Variants in TRIOBP observed in about 807,000 individuals in gnomAD.
The protein encoded by TRIOBP is TRIO and F-actin binding protein.
A neutral mutation model predicts 238.8 loss-of-function variants in TRIOBP; 169 were observed. The observed-to-expected ratio is 0.71, with a 90% CI of 0.62 to 0.80. The LOEUF is 0.80. Ranked by LOEUF, TRIOBP falls within the 30% of genes least tolerant of loss-of-function variation. The pLI is 0.00. For missense variants in TRIOBP, 2,838 were observed against 3,122.6 expected (o/e 0.91, Z 2.17); for synonymous variants, 1,150 against 1,274.4 (o/e 0.90, Z 2.08).
In TRIOBP at chr22:37,725,832, A is replaced by G. The variant is rs1308704111; in HGVS notation, c.3276A>G (p.Ser1092=). ...FDPFPFLPDT[S]DAEHQCQSPQ... ...CCTTCCCCTTCCTCCCAGACACATC[A>G]GATGCCGAGCATCAGTGTCAGTCCC... Residue 1092 remains serine (S), a synonymous_variant, in exon 7 of 24, where the codon TCA becomes TCG. Coordinates refer to ENST00000644935, the MANE Select transcript of TRIOBP (RefSeq NM_001039141.3). 1 of 1,587,160 alleles carries G rather than the reference A, an allele frequency of 6.3e-7. No individual in the cohort carries two copies.
chr22:37,756,330 G>T (rs183064140), intron 15 of TRIOBP, among the ~76,000 whole-genome samples: 400 of 152,286 alleles, frequency 2.6e-3, no homozygotes, highest in African/African-American at 9.1e-3. Flanking sequence ...CCGTGGTAGG[G>T]TGCGCCTGTC....
chr22:37,731,784 T>TTCACTATGTTG (rs1398801324), intron 7 of TRIOBP, among the ~76,000 whole-genome samples: 6 of 152,050 alleles, frequency 3.9e-5, no homozygotes, highest in Non-Finnish European at 8.8e-5. Flanking sequence ...GAGACTAGGT[T>TTCACTATGTTG]TCACTATGTT....
intron 2 of TRIOBP, among the ~76,000 whole-genome samples, chr22:37,701,052 T>A (rs1601614752): frequency 6.6e-6 from 1 of 152,300 alleles, no homozygotes; most frequent in South Asian, 2.1e-4. Flanking sequence ...TGGCGTGCAC[T>A]TTCAGCAACA....
Position 37,733,424 on chromosome 22 carries a change from C to G in TRIOBP, c.4062+12C>G. The G allele has an allele frequency of 1.9e-6, 3 of 1,548,418 alleles. No homozygotes were observed. Among genetic ancestry groups the G allele is most frequent in the South Asian group, 1.2e-5 (1 of 84,022 alleles). On this transcript the variant is annotated intron_variant, in intron 8 of 23. Transcript: ENST00000644935. ...CCCCCAGCAGGCAGGTGAGCACTGC[C>G]AGCTGTCTGGGGCCCCGCACCCCAA... is the stretch of plus-strand genomic sequence containing the variant.
At chr22:37,703,695 AG>A (rs755220599) in intron 3 of TRIOBP, among the ~76,000 whole-genome samples, 1 of 151,822 alleles carries the variant, frequency 6.6e-6, no homozygotes, top group Admixed American at 6.6e-5. Flanking sequence ...TAGTAGAGAC[AG>A]GGTTTCACCA....
At chr22:37,707,445 G>C (rs560101450) in intron 3 of TRIOBP, among the ~76,000 whole-genome samples, 1 of 152,094 alleles carries the variant, frequency 6.6e-6, no homozygotes, top group Admixed American at 6.6e-5. Context: ...ACCCTCAGAT[G>C]CTGCTGCTGG....
intron 3 of TRIOBP, among the ~76,000 whole-genome samples, chr22:37,703,721 G>A (rs1277073970): frequency 6.6e-6 from 1 of 151,726 alleles, no homozygotes; most frequent in Non-Finnish European, 1.5e-5. Flanking sequence ...AGCCAGGATG[G>A]CCTCGATCTT....
chr22:37,761,926 G>A (rs2145874784), intron 17 of TRIOBP, among the ~76,000 whole-genome samples: 1 of 151,548 alleles, frequency 6.6e-6, no homozygotes, highest in East Asian at 2.0e-4. Context: ...AGGCAGGTGG[G>A]AGGGCCTCCG....
Position 37,768,860 on chromosome 22 carries a change from C to G in TRIOBP, c.6576-168C>G, listed in dbSNP as rs59689693. Among the ~76,000 whole-genome samples the G allele has an allele frequency of 0.085, 12,994 of 152,048 alleles. 1,905 individuals are homozygous for G. Among genetic ancestry groups the G allele is most frequent in the African/African-American group, 0.29 (12,132 of 41,430 alleles). ...AAGCCACCCTCACTTAGGGTAAACA[C>G]CTGTAGCCCAGAGAAGCTGTCACTG... On this transcript the variant is annotated intron_variant, in intron 19 of 23. Coordinates refer to ENST00000644935, the MANE Select transcript of TRIOBP (RefSeq NM_001039141.3).
rs1206076657 is a variant in TRIOBP, at chr22:37,774,595, CA to C, written c.*816del. The C allele has an allele frequency of 6.6e-6, 1 of 152,300 alleles. No individual in the cohort carries two copies. The highest frequency in any genetic ancestry group is 1.9e-4 in the East Asian group (1 of 5,196). 9.4% of individuals were successfully genotyped at this position (152,300 alleles called of 1,614,324 possible). On this transcript the variant is annotated 3_prime_UTR_variant, in exon 24 of 24. Coordinates refer to ENST00000644935, the MANE Select transcript of TRIOBP (RefSeq NM_001039141.3). ...CCCCACTCACACCCTACCCACACCC[CA>C]CCCTTCCTAAAGCAGCGGCCTCTAG... is the stretch of plus-strand genomic sequence containing the variant.
intron 11 of TRIOBP, among the ~76,000 whole-genome samples, chr22:37,749,713 G>A (rs183899232): frequency 6.7e-6 from 1 of 149,696 alleles, no homozygotes; most frequent in African/African-American, 2.5e-5. Flanking sequence ...TTTGGAGGCC[G>A]AGGTGAGCGG....
chr22:37,722,890 C>A (rs1447454068), intron 6 of TRIOBP, among the ~76,000 whole-genome samples: 3 of 152,264 alleles, frequency 2.0e-5, no homozygotes, highest in Non-Finnish European at 2.9e-5. Context: ...TTTGCTTCTT[C>A]TCTGTCTTGT....
rs1924080730 is a variant in TRIOBP at position 37,725,344 on chromosome 22, A to G, written c.2788A>G (p.Ser930Gly). The change falls in exon 7 of 24, where the codon AGC (serine) becomes GGC (glycine). Residue 930 changes from serine to glycine, a missense_variant. This residue lies in a region of TRIOBP where 2,096 missense variants were observed against 2,137.4 expected (regional missense o/e 0.98). Transcript: ENST00000644935. Reference sequence around the variant, plus strand: ...CTCTTCCCCATCTCGCTCCAAGCAAAGCGAGGTTCCCTGGGCATCCATCGC... The same window carrying G: ...CTCTTCCCCATCTCGCTCCAAGCAAGGCGAGGTTCCCTGGGCATCCATCGC... ...RTSSPSRSKQ[S>G]EVPWASIALR... 6.2e-7 allele frequency: 1 copy of G among 1,613,382 alleles called. No homozygotes were observed. The highest frequency in any genetic ancestry group is 1.3e-5 in the African/African-American group (1 of 74,854).
Position 37,723,528 on chromosome 22 carries a change from C to T in TRIOBP, c.972C>T (p.Ser324=). ...AAGAGGACACCCCTAGGGCCTCATC[C>T]ACCCAAGAGGACACCCCCAGGGCCT... ...STQEDTPRAS[S]TQEDTPRASS... is the part of the protein sequence containing the mutation. The change falls in exon 7 of 24, where the codon TCC becomes TCT. Residue 324 remains serine, a synonymous_variant. Transcript: ENST00000644935. The T allele has an allele frequency of 1.2e-6, 2 of 1,613,236 alleles. No individual in the cohort carries two copies. The highest frequency in any genetic ancestry group is 1.7e-6 in the Non-Finnish European group (2 of 1,179,774).
Position 37,764,883 on chromosome 22 carries a change from G to T in TRIOBP, c.6325-787G>T, listed in dbSNP as rs111650635. Reference sequence around the variant, plus strand: ...TCAGGGAATTTATGGTTTGGCAGAGGTAGAACCTTTTGAGGCAGGGGAGAG... The same window carrying T: ...TCAGGGAATTTATGGTTTGGCAGAGTTAGAACCTTTTGAGGCAGGGGAGAG... On this transcript the variant is annotated intron_variant, in intron 17 of 23. Coordinates refer to ENST00000644935, the MANE Select transcript of TRIOBP (RefSeq NM_001039141.3). 1.1e-4 allele frequency among the ~76,000 whole-genome samples: 16 copies of T among 152,362 alleles called. No homozygotes were observed. In the South Asian group the frequency reaches 3.3e-3, roughly 32 times the overall value.
Position 37,755,116 on chromosome 22 carries a change from G to A in TRIOBP, c.5503G>A (p.Gly1835Ser). ...CTTGCTCCAGGCAGATGAGCTGGAT[G>A]GTGAGATCGACCTGCGTTCCTGCAC... ...STAEEADELD[G>S]EIDLRSCTDV... is the part of the protein sequence containing the mutation. The change falls in exon 14 of 24, where the codon GGT (glycine) becomes AGT (serine). Residue 1835 changes from glycine (G) to serine (S), a missense_variant. Around this residue, in one of 5 missense-constraint regions of TRIOBP, gnomAD observed 2,096 missense variants for 2,137.4 expected, o/e 0.98. Coordinates refer to ENST00000644935, the MANE Select transcript of TRIOBP (RefSeq NM_001039141.3). 2.5e-6 allele frequency: 4 copies of A among 1,613,732 alleles called. No homozygotes were observed.
At chr22:37,713,146 G>A (rs990107586) in intron 4 of TRIOBP, 64 bp from the exon 5 acceptor site, 38 of 1,461,260 alleles carry the variant, frequency 2.6e-5, no homozygotes, top group Non-Finnish European at 3.5e-5. Context: ...GAGTGCATAT[G>A]CCTGGGTGGG....
At chr22:37,771,543 G>T in intron 21 of TRIOBP, 107 bp from the exon 22 acceptor site, 1 of 957,898 alleles carries the variant, frequency 1.0e-6, no homozygotes, top group South Asian at 1.3e-5. Context: ...GCAGATAGGG[G>T]CTGCATTCTA....
chr22:37,746,989 C>G (rs1925317246), intron 11 of TRIOBP, among the ~76,000 whole-genome samples: 1 of 152,214 alleles, frequency 6.6e-6, no homozygotes, highest in African/African-American at 2.4e-5. Context: ...AGCGGGATAC[C>G]ACGTCTTCCT....
Sources: gnomAD v4.1 joint callset for allele counts (sites outside exome capture counted in the v4.1 genomes callset) on GRCh38, gnomAD v4.1.1 for gene constraint, gnomAD v4.1.1 regional missense constraint, MANE v1.5 for transcripts, NCBI Gene and HGNC (gene_info 2026-07-23, HGNC 2026-07-21) for gene names.